The following DOCK9 variants were observed in gnomAD, a reference collection of about 807,000 sequenced individuals.
DOCK9 encodes the protein dedicator of cytokinesis 9.
DOCK9 carries 89 observed loss-of-function variants against 263.3 expected under a neutral mutation model. The observed-to-expected ratio is 0.34, with a 90% CI of 0.28 to 0.40. The LOEUF is 0.40. Among genes scored for constraint, DOCK9 ranks in the 10% least tolerant of loss-of-function variants. The pLI, the probability that DOCK9 is intolerant of heterozygous loss-of-function variation, is 1.00. For synonymous variants in DOCK9, 976 were observed against 973.1 expected (o/e 1.00, Z -0.06); for missense variants, 2,140 against 2,603.4 (o/e 0.82, Z 3.87).
intron 32 of DOCK9, 25 bp from the exon 33 acceptor site, chr13:98,860,547 C>A: frequency 6.5e-7 from 1 of 1,535,840 alleles, no homozygotes; most frequent in South Asian, 1.2e-5. Flanking sequence ...AAAGCAGAAA[C>A]AATCAAAGAT....
At chr13:98,992,032 T>A (rs1879926289) in intron 1 of DOCK9, among the ~76,000 whole-genome samples, 1 of 151,660 alleles carries the variant, frequency 6.6e-6, no homozygotes, top group African/African-American at 2.4e-5. Context: ...GACCACCGCA[T>A]GTACACCTGG....
At chr13:98,925,540 G>C (rs898677730) in intron 4 of DOCK9, among the ~76,000 whole-genome samples, 3 of 152,004 alleles carry the variant, frequency 2.0e-5, no homozygotes, top group Non-Finnish European at 2.9e-5. Context: ...CTTACGTTTT[G>C]TTTGTTTTAT....
At chr13:98,996,456 A>T (rs1003428390) in intron 1 of DOCK9, among the ~76,000 whole-genome samples, 1 of 152,182 alleles carries the variant, frequency 6.6e-6, no homozygotes, top group African/African-American at 2.4e-5. Flanking sequence ...ACTCTTCACA[A>T]ATGTATATTT....
At chr13:98,962,458 C>T (rs1436724852) in intron 1 of DOCK9, among the ~76,000 whole-genome samples, 5 of 152,176 alleles carry the variant, frequency 3.3e-5, no homozygotes, top group East Asian at 1.9e-4. Context: ...TGTGTCCACA[C>T]GAATGCTGAC....
rs567053397 is a variant in DOCK9 at position 98,897,757 on chromosome 13, A to T, written c.1587-147T>A. Reference sequence around the variant, plus strand: ...CTCATTATCTAAAAACATGGAAAACATCTATGGGGATGAGGACAACTAAAT... The same window carrying T: ...CTCATTATCTAAAAACATGGAAAACTTCTATGGGGATGAGGACAACTAAAT... On this transcript the variant is annotated intron_variant, in intron 14 of 52. Coordinates refer to ENST00000682017, the MANE Select transcript of DOCK9 (RefSeq NM_001366683.2). 5 of 1,162,340 alleles carry T rather than the reference A, an allele frequency of 4.3e-6. No homozygotes were observed. The Admixed American group carries it at 7.1e-5, about 17-fold the overall frequency. The allele number at this position is 1,162,340 out of a possible 1,614,324, so 72.0% of individuals were successfully genotyped here.
chr13:98,824,975 A>G (rs1225584039), intron 44 of DOCK9, among the ~76,000 whole-genome samples: 1 of 152,220 alleles, frequency 6.6e-6, no homozygotes, highest in African/African-American at 2.4e-5. Context: ...CTCTCAGATG[A>G]GAGCTTCCCC....
intron 30 of DOCK9, among the ~76,000 whole-genome samples, chr13:98,866,020 C>G (rs944432848): frequency 6.6e-6 from 1 of 152,104 alleles, no homozygotes; most frequent in African/African-American, 2.4e-5. Flanking sequence ...TCAGGGGACA[C>G]TGAATACCTA....
intron 27 of DOCK9, among the ~76,000 whole-genome samples, chr13:98,870,241 A>G (rs1228771992): frequency 6.6e-6 from 1 of 152,244 alleles, no homozygotes; most frequent in Non-Finnish European, 1.5e-5. Context: ...TTCAATTCTC[A>G]AACCAATAAC....
intron 1 of DOCK9, among the ~76,000 whole-genome samples, chr13:99,024,179 G>A (rs369257668): frequency 1.3e-5 from 2 of 152,176 alleles, no homozygotes; most frequent in East Asian, 1.9e-4. Flanking sequence ...TGGCAAAGCC[G>A]TCTAGCATCA....
upstream of DOCK9, chr13:99,088,415 A>AG (rs972761325): frequency 4.6e-5 from 7 of 152,062 alleles, no homozygotes; most frequent in Admixed American, 3.9e-4. Flanking sequence ...CAGCTGCAGG[A>AG]GTGTGGCCGT....
chr13:98,989,346 GATA>G (rs777442315), intron 1 of DOCK9, among the ~76,000 whole-genome samples: 3,480 of 59,900 alleles, frequency 0.058, 119 homozygotes, highest in African/African-American at 0.15. Flanking sequence ...TGATGATGAT[GATA>G]ATAATAATAA....
chr13:98,979,456 C>A (rs1202769380), upstream of DOCK9, among the ~76,000 whole-genome samples: 1 of 152,070 alleles, frequency 6.6e-6, no homozygotes, highest in South Asian at 2.1e-4. Context: ...CTCGCACAGC[C>A]GCCTCCCTCT....
At chr13:99,046,114 A>AC (rs2040419469) in intron 1 of DOCK9, among the ~76,000 whole-genome samples, 1 of 151,868 alleles carries the variant, frequency 6.6e-6, no homozygotes, top group African/African-American at 2.4e-5. Flanking sequence ...AAAAAAAAAA[A>AC]ACCAGCATCA....
intron 1 of DOCK9, among the ~76,000 whole-genome samples, chr13:99,048,560 C>A (rs1304248156): frequency 6.6e-6 from 1 of 152,198 alleles, no homozygotes; most frequent in Non-Finnish European, 1.5e-5. Flanking sequence ...GGAGGCAATT[C>A]CCTTCCATAT....
chr13:99,000,447 G>A (rs1276629191), intron 1 of DOCK9, among the ~76,000 whole-genome samples: 2 of 152,140 alleles, frequency 1.3e-5, no homozygotes, highest in Non-Finnish European at 2.9e-5. Flanking sequence ...GGCTTGCTTG[G>A]CAGAGTAGCT....
intron 1 of DOCK9, among the ~76,000 whole-genome samples, chr13:98,987,447 T>A (rs74111835): frequency 0.028 from 4,204 of 152,320 alleles, 181 homozygotes; most frequent in African/African-American, 0.096. Flanking sequence ...AACATTCCAC[T>A]GGCCCATCTA....
rs1419849490 is a variant in DOCK9, at chr13:98,920,934, A to G, written c.717+20T>C. The G allele has an allele frequency of 6.3e-7, 1 of 1,579,458 alleles. No individual in the cohort carries two copies. ...ACTGCAGATAAGAAAACATAATGGT[A>G]AAACTCTTTTCATATTTACCTGAAC... On this transcript the variant is annotated intron_variant, in intron 7 of 52. Coordinates refer to ENST00000682017, the MANE Select transcript of DOCK9 (RefSeq NM_001366683.2).
intron 27 of DOCK9, among the ~76,000 whole-genome samples, chr13:98,873,793 T>C (rs1042148098): frequency 3.9e-5 from 6 of 152,226 alleles, no homozygotes; most frequent in Admixed American, 3.3e-4. Flanking sequence ...CTTTCCTGTT[T>C]AACTCACTGT....
exon 1 of DOCK9, chr13:99,086,365 C>A: frequency 1.6e-6 from 2 of 1,214,770 alleles, no homozygotes; most frequent in Non-Finnish European, 2.1e-6. Flanking sequence ...CCTGCCCCCG[C>A]CGCCTCCGCC....
Sources: gnomAD v4.1 joint callset for allele counts (sites outside exome capture counted in the v4.1 genomes callset) on GRCh38, gnomAD v4.1.1 for gene constraint, MANE v1.5 for transcripts, NCBI Gene and HGNC (gene_info 2026-07-23, HGNC 2026-07-21) for gene names.